Variants in SEMA5A observed in about 807,000 individuals in gnomAD.
The protein encoded by SEMA5A is semaphorin-5A.
A neutral mutation model predicts 135.5 loss-of-function variants in SEMA5A; 55 were observed. The observed-to-expected ratio is 0.41, with a 90% CI of 0.33 to 0.51. The LOEUF is 0.51. Among genes scored for constraint, SEMA5A ranks in the 20% least tolerant of loss-of-function variants. The pLI is 0.37. For missense variants in SEMA5A, 1,290 were observed against 1,419.9 expected (o/e 0.91, Z 1.47); for synonymous variants, 580 against 546.5 (o/e 1.06, Z -0.85).
At chr5:9,341,653 ATATAATATATATAATATATAT>A (rs1195106706) in intron 3 of SEMA5A, among the ~76,000 whole-genome samples, 4 of 76,392 alleles carry the variant, frequency 5.2e-5, no homozygotes, top group South Asian at 1.2e-3. Flanking sequence ...GACTATATAT[ATATAATATATATAATATATAT>A]TATATATATA....
intron 16 of SEMA5A, among the ~76,000 whole-genome samples, chr5:9,075,072 A>G: frequency 6.6e-6 from 1 of 152,238 alleles, no homozygotes; most frequent in East Asian, 1.9e-4. Flanking sequence ...TAAAAACACA[A>G]TAAAATACAA....
At chr5:9,356,833 A>C (rs1000784135) in intron 3 of SEMA5A, among the ~76,000 whole-genome samples, 1 of 152,172 alleles carries the variant, frequency 6.6e-6, no homozygotes, top group African/African-American at 2.4e-5. Flanking sequence ...GTTATTGTCT[A>C]AGTAAGAGCT....
intron 16 of SEMA5A, among the ~76,000 whole-genome samples, chr5:9,103,799 T>G (rs903023583): frequency 6.6e-6 from 1 of 152,234 alleles, no homozygotes; most frequent in African/African-American, 2.4e-5. Context: ...TAACATTTTA[T>G]ATCTTTCTTC....
intron 8 of SEMA5A, among the ~76,000 whole-genome samples, chr5:9,206,594 G>A (rs1291308831): frequency 6.6e-6 from 1 of 151,904 alleles, no homozygotes; most frequent in Non-Finnish European, 1.5e-5. Context: ...TATTCAAATG[G>A]CTCGATCTGA....
At position 9,243,903 on chromosome 5, in the gene SEMA5A, T is replaced by C. The variant is rs543681150; in HGVS notation, c.271-6013A>G. On this transcript the variant is annotated intron_variant, in intron 5 of 22. Transcript: ENST00000382496. Reference sequence around the variant, plus strand: ...TTTCTTTGTTTTCCACCCCGTAATTTAGAAAAATACATATCTGAAGCAGAG... The same window carrying C: ...TTTCTTTGTTTTCCACCCCGTAATTCAGAAAAATACATATCTGAAGCAGAG... Among the ~76,000 whole-genome samples the C allele has an allele frequency of 4.6e-5, 7 of 152,288 alleles. No homozygotes were observed. In the East Asian group the frequency reaches 1.4e-3, roughly 29 times the overall value.
At chr5:9,345,931 G>A (rs944510221) in intron 3 of SEMA5A, among the ~76,000 whole-genome samples, 23 of 152,228 alleles carry the variant, frequency 1.5e-4, no homozygotes, top group South Asian at 2.1e-4. Flanking sequence ...ATACATGATA[G>A]GGAGAGAAGG....
At chr5:9,229,835 C>T (rs1214600031) in intron 6 of SEMA5A, among the ~76,000 whole-genome samples, 1 of 151,894 alleles carries the variant, frequency 6.6e-6, no homozygotes, top group Non-Finnish European at 1.5e-5. Context: ...TGTGATTTCA[C>T]AGCAGAGTTC....
chr5:9,200,304 T>C (rs1030966744), intron 9 of SEMA5A, among the ~76,000 whole-genome samples: 2 of 152,240 alleles, frequency 1.3e-5, no homozygotes, highest in Non-Finnish European at 2.9e-5. Context: ...ACTATCTAAA[T>C]TGACCATACA....
chr5:9,218,457 G>T (rs1432076933), intron 8 of SEMA5A, among the ~76,000 whole-genome samples: 4 of 152,170 alleles, frequency 2.6e-5, no homozygotes, highest in Admixed American at 1.3e-4. Flanking sequence ...TCATCGGTTT[G>T]TCCAATAACT....
chr5:9,332,357 G>T (rs1753184510), intron 4 of SEMA5A, among the ~76,000 whole-genome samples: 2 of 151,078 alleles, frequency 1.3e-5, no homozygotes, highest in Non-Finnish European at 2.9e-5. Flanking sequence ...CTCACATGGG[G>T]TCAGATGTGC....
At chr5:9,182,563 C>A (rs1374181524) in intron 11 of SEMA5A, among the ~76,000 whole-genome samples, 1 of 152,066 alleles carries the variant, frequency 6.6e-6, no homozygotes, top group Non-Finnish European at 1.5e-5. Context: ...TTTTGTCCCC[C>A]TAAGAACCAA....
At chr5:9,264,418 T>C (rs1749570807) in intron 5 of SEMA5A, among the ~76,000 whole-genome samples, 1 of 152,092 alleles carries the variant, frequency 6.6e-6, no homozygotes, top group Non-Finnish European at 1.5e-5. Flanking sequence ...AGGCTCCAAG[T>C]AAATAACGCA....
chr5:9,472,475 T>G (rs1404998723), intron 1 of SEMA5A, among the ~76,000 whole-genome samples: 1 of 152,224 alleles, frequency 6.6e-6, no homozygotes, highest in Admixed American at 6.5e-5. Flanking sequence ...TTATTGAGGC[T>G]AGAAAGTATT....
chr5:9,106,725 T>G lies in SEMA5A; in HGVS notation c.2073+1415A>C, dbSNP rs529378979. 3.3e-4 allele frequency among the ~76,000 whole-genome samples: 51 copies of G among 152,370 alleles called. 1 individual carries two copies. In the South Asian group the frequency reaches 0.01, roughly 31 times the overall value. Reference sequence around the variant, plus strand: ...CATGTGAGTGTTCATAAATTTGTCATTTTAAAATTATTTAAAATAAATAGT... The same window carrying G: ...CATGTGAGTGTTCATAAATTTGTCAGTTTAAAATTATTTAAAATAAATAGT... On this transcript the variant is annotated intron_variant, in intron 16 of 22. Coordinates refer to ENST00000382496, the MANE Select transcript of SEMA5A (RefSeq NM_003966.3).
At chr5:9,177,636 A>G (rs1744275625) in intron 11 of SEMA5A, among the ~76,000 whole-genome samples, 1 of 152,208 alleles carries the variant, frequency 6.6e-6, no homozygotes, top group Non-Finnish European at 1.5e-5. Flanking sequence ...ACCAAGGCTC[A>G]TCTCCATTGT....
At position 9,197,777 on chromosome 5, in the gene SEMA5A, TG is replaced by T. The variant is rs1561011332; in HGVS notation, c.933-475del. On this transcript the variant is annotated intron_variant, in intron 9 of 22. Coordinates refer to ENST00000382496, the MANE Select transcript of SEMA5A (RefSeq NM_003966.3). ...GTGTGTGTGTGTGTGTGTGTGTGTG[TG>T]TGTGTGTTTTAACCCAGATATTTGT... Among the ~76,000 whole-genome samples, 36 of 123,488 alleles carry T rather than the reference TG, an allele frequency of 2.9e-4. 1 individual carries two copies. The highest frequency in any genetic ancestry group is 8.1e-4 in the South Asian group (3 of 3,700). 81.0% of individuals were successfully genotyped at this position (123,488 alleles called of 152,430 possible). A position where few individuals can be genotyped will look rare whatever the true frequency, so the allele number is the denominator to read the frequency against.
intron 1 of SEMA5A, among the ~76,000 whole-genome samples, chr5:9,501,273 T>C (rs1167799376): frequency 6.6e-6 from 1 of 152,178 alleles, no homozygotes; most frequent in Non-Finnish European, 1.5e-5. Context: ...AAAACTAAAG[T>C]CTATGCTTAC....
At chr5:9,128,157 A>G (rs1741219154) in intron 13 of SEMA5A, among the ~76,000 whole-genome samples, 1 of 152,234 alleles carries the variant, frequency 6.6e-6, no homozygotes, top group Non-Finnish European at 1.5e-5. Flanking sequence ...GAGGTGGAGC[A>G]GAGGGAGGAG....
chr5:9,447,549 T>C (rs1283382736), intron 1 of SEMA5A, among the ~76,000 whole-genome samples: 1 of 152,210 alleles, frequency 6.6e-6, no homozygotes, highest in East Asian at 1.9e-4. Flanking sequence ...CATTACGGCA[T>C]GCAGGCAACT....
Sources: gnomAD v4.1 joint callset for allele counts (sites outside exome capture counted in the v4.1 genomes callset) on GRCh38, gnomAD v4.1.1 for gene constraint, MANE v1.5 for transcripts, NCBI Gene and HGNC (gene_info 2026-07-23, HGNC 2026-07-21) for gene names.